The following DCBLD2 variants were observed in gnomAD, a reference collection of about 807,000 sequenced individuals.
DCBLD2 encodes the protein discoidin, CUB and LCCL domain-containing protein 2.
A neutral mutation model predicts 86.8 loss-of-function variants in DCBLD2; 54 were observed. That is an observed-to-expected ratio of 0.62 (90% CI 0.50 to 0.78). The LOEUF (loss-of-function observed/expected upper bound fraction) is 0.78, where lower values mean the gene tolerates loss of function less well. DCBLD2 is among the 30% of genes least tolerant of loss of function. DCBLD2 has a pLI of 0.00. For missense variants in DCBLD2, 908 were observed against 954.2 expected, an observed-to-expected ratio of 0.95 and a Z score of 0.64; for synonymous variants, 354 against 341.3, an observed-to-expected ratio of 1.04 and a Z score of -0.41.
intron 3 of DCBLD2, among the ~76,000 whole-genome samples, chr3:98,838,533 G>A (rs1026284857): frequency 6.8e-6 from 1 of 147,946 alleles, no homozygotes; most frequent in East Asian, 2.0e-4. Context: ...TGGGATGGCG[G>A]CCGGGCGGAG....
intron 1 of DCBLD2, among the ~76,000 whole-genome samples, chr3:98,899,161 G>A (rs572706085): frequency 1.1e-4 from 16 of 150,862 alleles, no homozygotes; most frequent in African/African-American, 2.9e-4. Context: ...CTGTTAAAGA[G>A]AAATGTATTT....
intron 3 of DCBLD2, among the ~76,000 whole-genome samples, chr3:98,838,428 C>T (rs1369991225): frequency 2.3e-5 from 3 of 129,132 alleles, no homozygotes; most frequent in East Asian, 2.4e-4. Flanking sequence ...GGCAGAGGCG[C>T]TCCCCACATC....
chr3:98,866,154 G>C (rs1344185273), intron 2 of DCBLD2, among the ~76,000 whole-genome samples: 1 of 152,096 alleles, frequency 6.6e-6, no homozygotes, highest in Non-Finnish European at 1.5e-5. Context: ...ATTGTGAATA[G>C]TGCCGCAATA....
chr3:98,851,959 TA>T (rs1304760311), intron 2 of DCBLD2, among the ~76,000 whole-genome samples: 1 of 152,138 alleles, frequency 6.6e-6, no homozygotes, highest in Non-Finnish European at 1.5e-5. Flanking sequence ...GACTTAAACG[TA>T]AGACCTAAAA....
At chr3:98,838,651 T>C (rs374332815) in intron 3 of DCBLD2, among the ~76,000 whole-genome samples, 215 of 152,032 alleles carry the variant, frequency 1.4e-3, no homozygotes, top group Admixed American at 4.9e-3. Context: ...GGGTGGCGGC[T>C]GGGCAGAGGC....
At chr3:98,872,751 C>T (rs1185169735) in intron 2 of DCBLD2, among the ~76,000 whole-genome samples, 1 of 151,576 alleles carries the variant, frequency 6.6e-6, no homozygotes, top group Non-Finnish European at 1.5e-5. Context: ...AAACTATAAA[C>T]CTTACCAAAC....
At chr3:98,840,365 A>G (rs967480808) in intron 3 of DCBLD2, among the ~76,000 whole-genome samples, 2 of 152,216 alleles carry the variant, frequency 1.3e-5, no homozygotes, top group Admixed American at 1.3e-4. Flanking sequence ...TGGACTGAGC[A>G]ACTTAAAAGA....
intron 1 of DCBLD2, among the ~76,000 whole-genome samples, chr3:98,882,696 T>C (rs1392085260): frequency 1.3e-5 from 2 of 152,308 alleles, no homozygotes; most frequent in Admixed American, 6.5e-5. Context: ...CTTGTGGTAA[T>C]TTGCTGAGAA....
rs762843297 is a variant in DCBLD2 at position 98,805,299 on chromosome 3, T to TA, written c.1670+2781dup. On this transcript the variant is annotated intron_variant, in intron 13 of 15. Coordinates refer to ENST00000326840, the MANE Select transcript of DCBLD2 (RefSeq NM_080927.4). ...ATGAAACACTTGAATGGAAAAGAAA[T>TA]AAAAAAAAATACTGATTAAACACCT... Among the ~76,000 whole-genome samples, 41 of 151,038 alleles carry TA rather than the reference T, an allele frequency of 2.7e-4. No individual in the cohort carries two copies. In the Middle Eastern group the frequency reaches 0.01, roughly 38 times the overall value.
chr3:98,808,102 C>A lies in DCBLD2; in HGVS notation c.1649G>T (p.Cys550Phe), dbSNP rs760057507. Reference protein sequence around the residue: ...VLTTLILILVCAWHWRNRKKK... With the variant: ...VLTTLILILVFAWHWRNRKKK... The stretch of plus-strand genomic sequence containing the variant: ...TAACCTGTTTCTCCAGTGCCAAGCA[C>A]ACACTAATATGAGAATGAGAGTAGT... Residue 550 changes from cysteine (C) to phenylalanine (F), a missense_variant, in exon 13 of 16, where the codon TGT becomes TTT. Coordinates refer to ENST00000326840, the MANE Select transcript of DCBLD2 (RefSeq NM_080927.4). 1.2e-6 allele frequency: 2 copies of A among 1,603,222 alleles called. No homozygotes were observed. Among genetic ancestry groups the A allele is most frequent in the South Asian group, 2.3e-5 (2 of 88,832 alleles).
At chr3:98,804,296 T>C (rs1941788785) in intron 13 of DCBLD2, among the ~76,000 whole-genome samples, 1 of 152,222 alleles carries the variant, frequency 6.6e-6, no homozygotes, top group Non-Finnish European at 1.5e-5. Context: ...TGTCCAGGAA[T>C]TTATCCATTT....
chr3:98,849,394 A>G (rs764639846), intron 3 of DCBLD2, 67 bp downstream of exon 3: 1 of 1,602,898 alleles, frequency 6.2e-7, no homozygotes, highest in Non-Finnish European at 8.5e-7. Context: ...GGTACTTAAA[A>G]AAAGCATTTT....
At chr3:98,886,034 T>G (rs1288151529) in intron 1 of DCBLD2, among the ~76,000 whole-genome samples, 1 of 151,692 alleles carries the variant, frequency 6.6e-6, no homozygotes, top group Non-Finnish European at 1.5e-5. Context: ...AGCTAGAAAA[T>G]CTCAGAAAAA....
rs77989990 is a variant in DCBLD2 at position 98,874,621 on chromosome 3, A to G, written c.433+6919T>C. ...CGCCCCCCAAAATTAATTGCTGTTGAAGTCCCAACTCTTAATATGACTAGA... is the reference window on the plus strand; with the variant it reads ...CGCCCCCCAAAATTAATTGCTGTTGGAGTCCCAACTCTTAATATGACTAGA... On this transcript the variant is annotated intron_variant, in intron 2 of 15. Transcript: ENST00000326840. Among the ~76,000 whole-genome samples the G allele has an allele frequency of 3.6e-3, 543 of 152,328 alleles. 5 individuals carry two copies. The highest frequency in any genetic ancestry group is 9.6e-3 in the African/African-American group (398 of 41,578).
In DCBLD2 at chr3:98,822,231, A is replaced by T. The variant is rs1942133321; in HGVS notation, c.827T>A (p.Val276Glu). ...TTTAAATTGCATATATACTTACACC[A>T]CAGATGTGACGTTGTTAGCCAAAGA... is the stretch of plus-strand genomic sequence containing the variant. Reference protein sequence around the residue: ...ESSLANNVTSVVGHLSTSLFT... With the variant: ...ESSLANNVTSEVGHLSTSLFT... The change falls in exon 6 of 16, where the codon GTG (valine) becomes GAG (glutamate). Residue 276 changes from valine (V) to glutamate (E), a missense_variant. This residue lies in a region of DCBLD2 where 606 missense variants were observed against 678.5 expected (regional missense o/e 0.89). Coordinates refer to ENST00000326840, the MANE Select transcript of DCBLD2 (RefSeq NM_080927.4). 6.2e-7 allele frequency: 1 copy of T among 1,613,658 alleles called. No homozygotes were observed. The highest frequency in any genetic ancestry group is 1.3e-5 in the African/African-American group (1 of 74,930).
At chr3:98,802,677 T>G (rs1318221443) in intron 13 of DCBLD2, among the ~76,000 whole-genome samples, 5 of 152,314 alleles carry the variant, frequency 3.3e-5, no homozygotes, top group Non-Finnish European at 7.4e-5. Flanking sequence ...TTTTTATGGT[T>G]TTAGGTCTAA....
Position 98,819,334 on chromosome 3 carries a change from G to A in DCBLD2, c.955C>T (p.His319Tyr), listed in dbSNP as rs2107444910. 1.2e-6 allele frequency: 2 copies of A among 1,613,758 alleles called. No homozygotes were observed. The highest frequency in any genetic ancestry group is 2.2e-5 in the East Asian group (1 of 44,878). Reference sequence around the variant, plus strand: ...TTCCAACTGTTCTCTTGCCCTGTGTGGTCAGTCCACTCCAGCACAGATGAT... The same window carrying A: ...TTCCAACTGTTCTCTTGCCCTGTGTAGTCAGTCCACTCCAGCACAGATGAT... ...TASSVLEWTD[H>Y]TGQENSWKPK... Residue 319 changes from histidine to tyrosine, a missense_variant, in exon 8 of 16, where the codon CAC becomes TAC. By Grantham distance (83) the His-to-Tyr change is moderately conservative (BLOSUM62 2). Coordinates refer to ENST00000326840, the MANE Select transcript of DCBLD2 (RefSeq NM_080927.4).
rs771186081 is a variant in DCBLD2, at chr3:98,799,663, G to T, written c.2037C>A (p.Thr679=). The change falls in exon 16 of 16, where the codon ACC becomes ACA. Residue 679 remains threonine (T), a synonymous_variant. Coordinates refer to ENST00000326840, the MANE Select transcript of DCBLD2 (RefSeq NM_080927.4). ...GCCCTGACATGTCCATGATGATTGGGGTTGCATACTCAGGCCCCGTAATTG... is the reference window on the plus strand; with the variant it reads ...GCCCTGACATGTCCATGATGATTGGTGTTGCATACTCAGGCCCCGTAATTG... The part of the protein sequence containing the change: ...PLPITGPEYA[T]PIIMDMSGHP... The T allele has an allele frequency of 1.5e-5, 24 of 1,613,852 alleles. No individual in the cohort carries two copies. Among genetic ancestry groups the T allele is most frequent in the Non-Finnish European group, 1.6e-5 (19 of 1,179,876 alleles).
chr3:98,865,560 T>C (rs377023457), intron 2 of DCBLD2, among the ~76,000 whole-genome samples: 4 of 152,172 alleles, frequency 2.6e-5, no homozygotes, highest in East Asian at 1.9e-4. Context: ...GTGTATTGTA[T>C]AGTTAAAAAT....
Sources: gnomAD v4.1 joint callset for allele counts (sites outside exome capture counted in the v4.1 genomes callset) on GRCh38, gnomAD v4.1.1 for gene constraint, gnomAD v4.1.1 regional missense constraint, MANE v1.5 for transcripts, NCBI Gene and HGNC (gene_info 2026-07-23, HGNC 2026-07-21) for gene names.